Variants in PCDHA7 observed in about 807,000 individuals in gnomAD.
PCDHA7 encodes protocadherin alpha 7.
PCDHA7 carries 37 observed loss-of-function variants against 57.2 expected under a neutral mutation model. The observed-to-expected ratio is 0.65, with a 90% CI of 0.50 to 0.85. The LOEUF (loss-of-function observed/expected upper bound fraction) is 0.85, where lower values mean the gene tolerates loss of function less well. Ranked by LOEUF, PCDHA7 falls within the 40% of genes least tolerant of loss-of-function variation. PCDHA7 has a pLI of 0.00. For missense variants in PCDHA7, 1,188 were observed against 1,241.8 expected, an observed-to-expected ratio of 0.96 and a Z score of 0.65; for synonymous variants, 553 against 558.8, an observed-to-expected ratio of 0.99 and a Z score of 0.15.
chr5:140,966,545 G>T (rs1554228431), intron 1 of PCDHA7: 1 of 465,862 alleles, frequency 2.1e-6, no homozygotes, highest in East Asian at 3.5e-5. Context: ...CGACTCGGAG[G>T]CGAGCGGAGG....
chr5:140,848,641 C>T, intron 1 of PCDHA7: 1 of 1,593,240 alleles, frequency 6.3e-7, no homozygotes, highest in South Asian at 1.1e-5. Flanking sequence ...GGCCGCATCG[C>T]GCAGGACCTG....
intron 1 of PCDHA7, among the ~76,000 whole-genome samples, chr5:140,887,955 C>A (rs568878730): frequency 4.4e-4 from 67 of 152,206 alleles, no homozygotes; most frequent in African/African-American, 1.6e-3. Flanking sequence ...GTATAAGATT[C>A]TTTTTGTCTC....
At chr5:140,992,708 C>T (rs2097525816) in intron 3 of PCDHA7, among the ~76,000 whole-genome samples, 1 of 152,100 alleles carries the variant, frequency 6.6e-6, no homozygotes, top group African/African-American at 2.4e-5. Context: ...ATGTTCCTGC[C>T]AGTATTCGTA....
intron 3 of PCDHA7, among the ~76,000 whole-genome samples, chr5:140,994,024 A>G (rs1440214596): frequency 6.6e-6 from 1 of 152,234 alleles, no homozygotes; most frequent in East Asian, 1.9e-4. Context: ...TGATGCAGAT[A>G]TAATATTAAA....
chr5:140,841,942 G>A (rs782585839), intron 1 of PCDHA7: 15 of 1,613,920 alleles, frequency 9.3e-6, no homozygotes, highest in East Asian at 2.2e-5. Context: ...ACGCTCCTGC[G>A]CACCACTTAT....
intron 1 of PCDHA7, chr5:140,966,476 C>T (rs1326063829): frequency 1.8e-5 from 8 of 432,854 alleles, no homozygotes; most frequent in Non-Finnish European, 2.8e-5. Flanking sequence ...CTTCTGTTTC[C>T]TTTTCCCTCC....
intron 1 of PCDHA7, chr5:140,876,844 C>T (rs200154646): frequency 1.2e-6 from 2 of 1,614,016 alleles, no homozygotes; most frequent in East Asian, 2.2e-5. Context: ...GTTCGCGCAG[C>T]CCGAGTACAC....
intron 1 of PCDHA7, among the ~76,000 whole-genome samples, chr5:140,879,144 G>A (rs1309421547): frequency 6.6e-6 from 1 of 152,168 alleles, no homozygotes; most frequent in Non-Finnish European, 1.5e-5. Context: ...TGTGAAGGCA[G>A]GAAAGCTATT....
intron 1 of PCDHA7, chr5:140,850,488 G>T: frequency 6.3e-7 from 1 of 1,598,176 alleles, no homozygotes. Context: ...CACGGCCACT[G>T]TGCTGGTGTC....
chr5:140,876,541 C>T, intron 1 of PCDHA7: 1 of 1,614,188 alleles, frequency 6.2e-7, no homozygotes, highest in Non-Finnish European at 8.5e-7. Context: ...TTCACTGTCG[C>T]TCCCTGTGCA....
chr5:140,928,126 C>G (rs782461261), intron 1 of PCDHA7: 1 of 1,614,058 alleles, frequency 6.2e-7, no homozygotes, highest in African/African-American at 1.3e-5. Context: ...CAGTGAATAC[C>G]AAGTCCTGAT....
chr5:140,887,643 T>C (rs1392264032), intron 1 of PCDHA7, among the ~76,000 whole-genome samples: 2 of 152,148 alleles, frequency 1.3e-5, no homozygotes, highest in African/African-American at 4.8e-5. Flanking sequence ...TTGGGGTTTG[T>C]TGATATTCTT....
At chr5:140,991,985 A>G (rs114196704) in intron 3 of PCDHA7, among the ~76,000 whole-genome samples, 1,827 of 150,246 alleles carry the variant, frequency 0.012, 17 homozygotes, top group Non-Finnish European at 0.019. Context: ...TCTGCCTACC[A>G]CCCGGTCTTT....
At chr5:140,986,151 G>A (rs547474191) in intron 3 of PCDHA7, among the ~76,000 whole-genome samples, 1 of 152,198 alleles carries the variant, frequency 6.6e-6, no homozygotes, top group African/African-American at 2.4e-5. Flanking sequence ...GCATCACCAA[G>A]TAATGTTTTC....
chr5:140,869,883 T>G, intron 1 of PCDHA7: 1 of 1,610,444 alleles, frequency 6.2e-7, no homozygotes, highest in Admixed American at 1.7e-5. Context: ...AAGAAACTCT[T>G]GTGCTCAAAC....
At chr5:140,877,811 GAGA>G in intron 1 of PCDHA7, 1 of 1,610,242 alleles carries the variant, frequency 6.2e-7, no homozygotes, top group African/African-American at 1.3e-5. Flanking sequence ...CAGCTGTCTC[GAGA>G]AGATTGTTTA....
At chr5:140,868,592 C>T (rs1294333400) in intron 1 of PCDHA7, 1 of 152,974 alleles carries the variant, frequency 6.5e-6, no homozygotes, top group Non-Finnish European at 1.5e-5. Context: ...ATGTTTAACC[C>T]TAGTTTTTCA....
chr5:140,910,171 T>C (rs186096076), intron 1 of PCDHA7, among the ~76,000 whole-genome samples: 22 of 152,340 alleles, frequency 1.4e-4, no homozygotes, highest in Admixed American at 1.2e-3. Flanking sequence ...TGATCCTCTG[T>C]TTTTATAATT....
chr5:140,906,585 C>T (rs782305409), intron 1 of PCDHA7, among the ~76,000 whole-genome samples: 1 of 152,208 alleles, frequency 6.6e-6, no homozygotes, highest in Non-Finnish European at 1.5e-5. Context: ...TTGATGACTA[C>T]CTTCCTCTAC....
Sources: gnomAD v4.1 joint callset for allele counts (sites outside exome capture counted in the v4.1 genomes callset) on GRCh38, gnomAD v4.1.1 for gene constraint, MANE v1.5 for transcripts, NCBI Gene and HGNC (gene_info 2026-07-23, HGNC 2026-07-21) for gene names.